The following EAF1 variants were observed in gnomAD, a reference collection of about 807,000 sequenced individuals.
EAF1 encodes ELL-associated factor 1.
A neutral mutation model predicts 26.6 loss-of-function variants in EAF1; 19 were observed. That is an observed-to-expected ratio of 0.71 (90% CI 0.50 to 1.05). EAF1 has a LOEUF of 1.05. EAF1 is among the 50% of genes least tolerant of loss of function. The probability of loss-of-function intolerance (pLI) is 0.00; values close to 1 mark genes in which losing one functional copy is unlikely to be tolerated. For synonymous variants in EAF1, 102 were observed against 120.6 expected, an observed-to-expected ratio of 0.85 and a Z score of 1.01; for missense variants, 260 against 335.5, an observed-to-expected ratio of 0.78 and a Z score of 1.76.
chr3:15,429,734 G>A (rs906528646), intron 1 of EAF1, among the ~76,000 whole-genome samples, 179 bp from the exon 2 acceptor site: 11 of 152,174 alleles, frequency 7.2e-5, no homozygotes, highest in Admixed American at 1.3e-4. Context: ...CTCATTGTAC[G>A]ATTCTCTCTA....
chr3:15,436,209 A>T, intron 4 of EAF1, 133 bp from the exon 5 acceptor site: 1 of 607,264 alleles, frequency 1.6e-6, no homozygotes, highest in Non-Finnish European at 2.7e-6. Context: ...TTTTTAAGGT[A>T]TTGAGAAGTA....
chr3:15,427,723 TCG>T lies in EAF1; in HGVS notation c.-56_-55del. On this transcript the variant is annotated 5_prime_UTR_variant, in exon 1 of 6. Coordinates refer to ENST00000396842, the MANE Select transcript of EAF1 (RefSeq NM_033083.7). ...CCTCCCAGACGCCAGCGCCAGAAGCTCGGATCGCGGCTGCACCGGGAGAGCGC... is the reference window on the plus strand; with the variant it reads ...CCTCCCAGACGCCAGCGCCAGAAGCTGATCGCGGCTGCACCGGGAGAGCGC... The T allele has an allele frequency of 6.6e-7, 1 of 1,521,122 alleles. No homozygotes were observed. Among genetic ancestry groups the T allele is most frequent in the Non-Finnish European group, 8.9e-7 (1 of 1,121,792 alleles). The allele number at this position is 1,521,122 out of a possible 1,614,324, so 94.2% of individuals were successfully genotyped here.
chr3:15,438,926 GA>G, intron 5 of EAF1, 182 bp from the exon 6 acceptor site: 1 of 600,434 alleles, frequency 1.7e-6, no homozygotes, highest in East Asian at 2.8e-5. Context: ...GTGCTTTGTA[GA>G]TAACCAAAAG....
chr3:15,430,494 C>T (rs910938053), intron 2 of EAF1, among the ~76,000 whole-genome samples: 2 of 152,000 alleles, frequency 1.3e-5, no homozygotes, highest in African/African-American at 4.8e-5. Flanking sequence ...CGTCGTTTTC[C>T]CCAATCTTCC....
chr3:15,427,651 C>G lies in EAF1; in HGVS notation c.-129C>G, dbSNP rs1304221489. On this transcript the variant is annotated 5_prime_UTR_variant, in exon 1 of 6. Coordinates refer to ENST00000396842, the MANE Select transcript of EAF1 (RefSeq NM_033083.7). ...CTTGCTTCTGGACCCGGGTGGGTGC[C>G]GGCTCGGCTCTCCTTGTCTTCCAGA... is the stretch of plus-strand genomic sequence containing the variant. 1 of 966,948 alleles carries G rather than the reference C, an allele frequency of 1.0e-6. No homozygotes were observed. The highest frequency in any genetic ancestry group is 1.6e-5 in the African/African-American group (1 of 60,960). 59.9% of individuals were successfully genotyped at this position (966,948 alleles called of 1,614,324 possible).
At position 15,434,501 on chromosome 3, in the gene EAF1, C is replaced by A. The variant is rs1275110226; in HGVS notation, c.489C>A (p.Asn163Lys). 6.2e-7 allele frequency: 1 copy of A among 1,614,184 alleles called. No homozygotes were observed. The highest frequency in any genetic ancestry group is 8.5e-7 in the Non-Finnish European group (1 of 1,180,036). ...CCAAAACTTCTCCCTTGAAAGATAA[C>A]CCCTCACCTGAACCTCAGTTGGATG... ...VGPKTSPLKD[N>K]PSPEPQLDDI... Residue 163 changes from asparagine to lysine, a missense_variant, in exon 4 of 6, where the codon AAC becomes AAA. Transcript: ENST00000396842.
Position 15,430,009 on chromosome 3 carries a change from TGA to T in EAF1, c.198+4_198+5del, listed in dbSNP as rs747856848. On this transcript the variant is annotated splice_donor_region_variant and intron_variant, in intron 2 of 5. Coordinates refer to ENST00000396842, the MANE Select transcript of EAF1 (RefSeq NM_033083.7). ...ACAATTACACTGCCACATATCCCTG[TGA>T]GTTTATTTCATTTTTTTTTTTAATG... is the stretch of plus-strand genomic sequence containing the variant. The T allele has an allele frequency of 1.3e-6, 2 of 1,573,724 alleles. No homozygotes were observed. The highest frequency in any genetic ancestry group is 1.8e-5 in the Admixed American group (1 of 54,724).
In EAF1 at chr3:15,440,204, T is replaced by A. The variant is rs1013387333; in HGVS notation, c.*1049T>A. 6.6e-6 allele frequency: 1 copy of A among 152,316 alleles called. No individual in the cohort carries two copies. The highest frequency in any genetic ancestry group is 1.9e-4 in the East Asian group (1 of 5,184). 9.4% of individuals were successfully genotyped at this position (152,316 alleles called of 1,614,324 possible). ...TAGATAGAAGTTCTGCAATATGAAA[T>A]GAGCACATTCTTTGATAAGGCGTAT... is the stretch of plus-strand genomic sequence containing the variant. On this transcript the variant is annotated 3_prime_UTR_variant, in exon 6 of 6. Transcript: ENST00000396842.
At chr3:15,435,646 T>C (rs569701283) in intron 4 of EAF1, among the ~76,000 whole-genome samples, 1 of 152,316 alleles carries the variant, frequency 6.6e-6, no homozygotes, top group East Asian at 1.9e-4. Flanking sequence ...TTTCTTGAAA[T>C]GGTTAGTTAA....
chr3:15,431,317 A>G (rs1206554529), intron 2 of EAF1, among the ~76,000 whole-genome samples: 1 of 152,222 alleles, frequency 6.6e-6, no homozygotes, highest in East Asian at 1.9e-4. Context: ...AATCAGGGAC[A>G]GCTTCCTTAA....
intron 5 of EAF1, among the ~76,000 whole-genome samples, chr3:15,438,018 T>G (rs1168843133): frequency 6.6e-6 from 1 of 152,090 alleles, no homozygotes; most frequent in Non-Finnish European, 1.5e-5. Context: ...ACATAGAGAC[T>G]GAAGTATATG....
chr3:15,427,897 C>A lies in EAF1; in HGVS notation c.103+15C>A, dbSNP rs972272054. On this transcript the variant is annotated intron_variant, in intron 1 of 5. Transcript: ENST00000396842. ...CACTATTCGTTGTAAGTCAGCGCTCCCCACGGTTCCCTTCGGCCGCTCCAG... is the reference window on the plus strand; with the variant it reads ...CACTATTCGTTGTAAGTCAGCGCTCACCACGGTTCCCTTCGGCCGCTCCAG... The A allele has an allele frequency of 6.6e-7, 1 of 1,526,576 alleles. No individual in the cohort carries two copies. The highest frequency in any genetic ancestry group is 1.2e-5 in the South Asian group (1 of 82,710). The allele number at this position is 1,526,576 out of a possible 1,614,324, so 94.6% of individuals were successfully genotyped here.
rs773919220 is a variant in EAF1, at chr3:15,439,701, A to AAT, written c.*547_*548dup. Reference sequence around the variant, plus strand: ...GATAGAAATGGACCTCAGAATACAGAATGGAGTCCTTGAGTGTCAGTTGGT... The same window carrying AAT: ...GATAGAAATGGACCTCAGAATACAGAATATGGAGTCCTTGAGTGTCAGTTGGT... On this transcript the variant is annotated 3_prime_UTR_variant, in exon 6 of 6. Transcript: ENST00000396842. 2 of 152,352 alleles carry AAT rather than the reference A, an allele frequency of 1.3e-5. No homozygotes were observed. The highest frequency in any genetic ancestry group is 2.9e-5 in the Non-Finnish European group (2 of 68,156). The allele number at this position is 152,352 out of a possible 1,614,324, so 9.4% of individuals were successfully genotyped here.
intron 5 of EAF1, among the ~76,000 whole-genome samples, chr3:15,437,320 T>G (rs1459398158): frequency 6.9e-6 from 1 of 145,588 alleles, no homozygotes; most frequent in Non-Finnish European, 1.5e-5. Context: ...GCATGATCCT[T>G]TTTTTTTTTT....
intron 3 of EAF1, 32 bp downstream of exon 3, chr3:15,432,255 A>T (rs775903441): frequency 8.7e-6 from 14 of 1,611,672 alleles, no homozygotes; most frequent in Non-Finnish European, 1.0e-5. Context: ...GGTTTATATC[A>T]TGTTTCCAAA....
intron 5 of EAF1, 62 bp from the exon 6 acceptor site, chr3:15,439,047 A>G: frequency 6.6e-7 from 1 of 1,511,304 alleles, no homozygotes; most frequent in Non-Finnish European, 9.0e-7. Context: ...TGAGGAAGTC[A>G]TTTTTAAATT....
At chr3:15,427,928 A>G (rs2061764799) in intron 1 of EAF1, 46 bp downstream of exon 1, 2 of 1,444,342 alleles carry the variant, frequency 1.4e-6, no homozygotes, top group Non-Finnish European at 1.9e-6. Flanking sequence ...TCCAGCCGCC[A>G]CATATCAACC....
intron 5 of EAF1, 162 bp from the exon 6 acceptor site, chr3:15,438,947 G>T: frequency 1.6e-6 from 1 of 640,858 alleles, no homozygotes; most frequent in Non-Finnish European, 2.7e-6. Flanking sequence ...GCACCATTTT[G>T]TTTCAGTGAG....
In EAF1 at chr3:15,427,763, G is replaced by A. The variant is rs199920203; in HGVS notation, c.-17G>A. On this transcript the variant is annotated 5_prime_UTR_variant, in exon 1 of 6. Coordinates refer to ENST00000396842, the MANE Select transcript of EAF1 (RefSeq NM_033083.7). The stretch of plus-strand genomic sequence containing the variant: ...ACCGGGAGAGCGCCGATCTGGGTGC[G>A]AGGCAGGTGCGGGGCCATGAATGGG... The A allele has an allele frequency of 2.1e-5, 32 of 1,550,430 alleles. No individual in the cohort carries two copies. The highest frequency in any genetic ancestry group is 2.4e-5 in the East Asian group (1 of 40,882).
Sources: gnomAD v4.1 joint callset for allele counts (sites outside exome capture counted in the v4.1 genomes callset) on GRCh38, gnomAD v4.1.1 for gene constraint, MANE v1.5 for transcripts, NCBI Gene and HGNC (gene_info 2026-07-23, HGNC 2026-07-21) for gene names.